Variants in TXNDC11 observed in about 807,000 individuals in gnomAD.
TXNDC11 encodes the protein thioredoxin domain-containing protein 11.
A neutral mutation model predicts 78.0 loss-of-function variants in TXNDC11; 68 were observed. The observed-to-expected ratio is 0.87, with a 90% confidence interval of 0.72 to 1.07. The LOEUF is 1.07. TXNDC11 is among the 50% of genes least tolerant of loss of function. The pLI is 0.00. For synonymous variants in TXNDC11, 571 were observed against 495.2 expected (o/e 1.15, Z -2.03); for missense variants, 1,389 against 1,221.8 (o/e 1.14, Z -2.04).
intron 1 of TXNDC11, among the ~76,000 whole-genome samples, chr16:11,738,160 T>C (rs1466372220): frequency 1.3e-5 from 2 of 152,202 alleles, no homozygotes; most frequent in Non-Finnish European, 2.9e-5. Context: ...AGTCTCAAAA[T>C]GATTATGCTG....
chr16:11,732,204 A>G (rs1349299269), intron 3 of TXNDC11, among the ~76,000 whole-genome samples: 2 of 152,228 alleles, frequency 1.3e-5, no homozygotes, highest in African/African-American at 4.8e-5. Flanking sequence ...TGCAAAAGCT[A>G]AGCAAGCAAA....
chr16:11,726,182 A>AT (rs2051871030), intron 4 of TXNDC11, among the ~76,000 whole-genome samples: 1 of 151,936 alleles, frequency 6.6e-6, no homozygotes, highest in Non-Finnish European at 1.5e-5. Flanking sequence ...CAGGCCTCTT[A>AT]GAGTCATAGT....
At chr16:11,703,706 C>T (rs1355545542) in intron 5 of TXNDC11, 1 of 702,356 alleles carries the variant, frequency 1.4e-6, no homozygotes, top group South Asian at 1.5e-5. Flanking sequence ...TGCCATTCTC[C>T]AGTAAAAGAA....
rs1182968122 is a variant in TXNDC11, at chr16:11,730,790, A to G, written c.570-16T>C. On this transcript the variant is annotated splice_polypyrimidine_tract_variant and intron_variant, in intron 3 of 11. Coordinates refer to ENST00000283033, the MANE Select transcript of TXNDC11 (RefSeq NM_015914.7). ...TGGTCCAAAACTAGTACCAAAAAAT[A>G]AAAATAAAAATAAAAATAATAAAAA... The G allele has an allele frequency of 6.7e-6, 10 of 1,495,928 alleles. No homozygotes were observed. The highest frequency in any genetic ancestry group is 1.4e-5 in the African/African-American group (1 of 70,466). 92.7% of individuals were successfully genotyped at this position (1,495,928 alleles called of 1,614,324 possible). A position where few individuals can be genotyped will look rare whatever the true frequency, so the allele number is the denominator to read the frequency against.
At chr16:11,701,237 A>G (rs1019011432) in intron 5 of TXNDC11, among the ~76,000 whole-genome samples, 3 of 149,974 alleles carry the variant, frequency 2.0e-5, no homozygotes, top group Non-Finnish European at 4.4e-5. Context: ...CATGGGCTCA[A>G]GCAATTCTCC....
intron 4 of TXNDC11, among the ~76,000 whole-genome samples, chr16:11,722,271 G>C (rs558537925): frequency 6.6e-6 from 1 of 152,048 alleles, no homozygotes; most frequent in South Asian, 2.1e-4. Context: ...CAGAGGACCC[G>C]CCTCTGGCCC....
chr16:11,711,644 G>A (rs1567325804), intron 5 of TXNDC11, among the ~76,000 whole-genome samples: 1 of 152,206 alleles, frequency 6.6e-6, no homozygotes, highest in Non-Finnish European at 1.5e-5. Flanking sequence ...AGTGTCAGCT[G>A]ATTAGCAATC....
chr16:11,700,859 C>T (rs1196360884), intron 5 of TXNDC11, among the ~76,000 whole-genome samples: 4 of 152,190 alleles, frequency 2.6e-5, no homozygotes, highest in Non-Finnish European at 4.4e-5. Context: ...CCATTGATGA[C>T]AGGCTGAGGC....
chr16:11,722,827 A>C (rs2051749733), intron 4 of TXNDC11, among the ~76,000 whole-genome samples: 1 of 152,218 alleles, frequency 6.6e-6, no homozygotes, highest in Non-Finnish European at 1.5e-5. Context: ...TCTGTTGGTA[A>C]AGTTTAAAAT....
intron 6 of TXNDC11, 24 bp downstream of exon 6, chr16:11,700,428 T>C (rs763676272): frequency 2.5e-6 from 3 of 1,196,480 alleles, no homozygotes; most frequent in Non-Finnish European, 3.7e-6. Flanking sequence ...TGCGCTAACA[T>C]AAACGTGATT....
intron 7 of TXNDC11, among the ~76,000 whole-genome samples, chr16:11,697,829 G>A (rs1027938911): frequency 1.3e-5 from 2 of 152,202 alleles, no homozygotes; most frequent in African/African-American, 2.4e-5. Context: ...CACATCAGAA[G>A]AGGGCATTTG....
At chr16:11,687,835 G>C (rs113576272) in intron 10 of TXNDC11, 22 bp downstream of exon 10, 2 of 1,526,854 alleles carry the variant, frequency 1.3e-6, no homozygotes, top group Non-Finnish European at 1.8e-6. Flanking sequence ...AGCCCAAAGC[G>C]CTGCAGAAGA....
At chr16:11,690,374 G>A (rs763512855) in intron 8 of TXNDC11, among the ~76,000 whole-genome samples, 1 of 152,156 alleles carries the variant, frequency 6.6e-6, no homozygotes, top group Non-Finnish European at 1.5e-5. Context: ...GCTGGTTTGC[G>A]ACTGACACTT....
At chr16:11,716,788 C>T (rs774896623) in intron 5 of TXNDC11, among the ~76,000 whole-genome samples, 4 of 152,180 alleles carry the variant, frequency 2.6e-5, no homozygotes, top group African/African-American at 2.4e-5. Context: ...AACACAAGAA[C>T]TACAAGAAGT....
chr16:11,704,526 C>G (rs1335463510), intron 5 of TXNDC11, among the ~76,000 whole-genome samples: 4 of 152,074 alleles, frequency 2.6e-5, no homozygotes, highest in African/African-American at 9.7e-5. Flanking sequence ...CTACTTTAAC[C>G]AACTGATCAA....
intron 1 of TXNDC11, among the ~76,000 whole-genome samples, chr16:11,737,171 G>A (rs576900147): frequency 1.3e-5 from 2 of 152,250 alleles, no homozygotes; most frequent in Non-Finnish European, 2.9e-5. Context: ...AGGAGACCAG[G>A]CGTGGTGACT....
chr16:11,687,806 A>G, intron 10 of TXNDC11, 51 bp downstream of exon 10: 1 of 1,237,978 alleles, frequency 8.1e-7, no homozygotes, highest in South Asian at 1.2e-5. Flanking sequence ...GCTGCAAATA[A>G]GAGTGAAAAT....
chr16:11,691,214 G>C (rs974763160), intron 8 of TXNDC11, 76 bp downstream of exon 8: 4 of 1,233,796 alleles, frequency 3.2e-6, no homozygotes, highest in Non-Finnish European at 4.6e-6. Flanking sequence ...AATGTAATGA[G>C]AGCCATCAAT....
chr16:11,703,676 C>T lies in TXNDC11; in HGVS notation c.794-3112G>A, dbSNP rs753657905. Reference sequence around the variant, plus strand: ...CTAATACCAAAGAGCATACCTAGCACGTAGATCTTGGTTTCTAAATGCCAT... The same window carrying T: ...CTAATACCAAAGAGCATACCTAGCATGTAGATCTTGGTTTCTAAATGCCAT... On this transcript the variant is annotated intron_variant, in intron 5 of 11. Coordinates refer to ENST00000283033, the MANE Select transcript of TXNDC11 (RefSeq NM_015914.7). 23 of 702,694 alleles carry T rather than the reference C, an allele frequency of 3.3e-5. 1 individual carries two copies. The highest frequency in any genetic ancestry group is 2.4e-4 in the South Asian group (16 of 67,600). 43.5% of individuals were successfully genotyped at this position (702,694 alleles called of 1,614,324 possible). A position where few individuals can be genotyped will look rare whatever the true frequency, so the allele number is the denominator to read the frequency against.
Sources: allele counts gnomAD v4.1 joint callset (sites outside exome capture counted in the v4.1 genomes callset), GRCh38; gene constraint gnomAD v4.1.1; transcripts MANE v1.5; gene names NCBI Gene and HGNC (gene_info 2026-07-23, HGNC 2026-07-21).